Variants in CTNNA2 observed in about 807,000 individuals in gnomAD.
CTNNA2 encodes the protein catenin alpha-2.
In CTNNA2, 42 loss-of-function variants were observed where a neutral mutation model predicts 101.0. That is an observed-to-expected ratio of 0.42 (90% CI 0.32 to 0.54). CTNNA2 has a LOEUF of 0.54. Ranked by LOEUF, CTNNA2 falls within the 20% of genes least tolerant of loss-of-function variation. CTNNA2 has a pLI of 0.14. For missense variants in CTNNA2, 871 were observed against 1,223.1 expected (o/e 0.71, Z 4.29); for synonymous variants, 450 against 456.4 (o/e 0.99, Z 0.18).
intron 2 of CTNNA2, among the ~76,000 whole-genome samples, chr2:79,258,480 A>G (rs1316561124): frequency 1.3e-5 from 2 of 152,180 alleles, no homozygotes; most frequent in Admixed American, 6.5e-5. Context: ...TCTGTAAAGT[A>G]CTGTTATTAC....
At chr2:79,287,555 G>C (rs1196623839) in intron 2 of CTNNA2, among the ~76,000 whole-genome samples, 1 of 48,996 alleles carries the variant, frequency 2.0e-5, no homozygotes. Flanking sequence ...GTGCCTCCCA[G>C]TTAGGCTGCT....
At chr2:80,152,781 A>G (rs1197678356) in intron 7 of CTNNA2, among the ~76,000 whole-genome samples, 1 of 152,116 alleles carries the variant, frequency 6.6e-6, no homozygotes, top group East Asian at 1.9e-4. Context: ...GGACAGGGAC[A>G]TGGGACATTT....
intron 4 of CTNNA2, among the ~76,000 whole-genome samples, chr2:79,409,126 G>A (rs1344850307): frequency 1.3e-5 from 2 of 152,078 alleles, no homozygotes; most frequent in South Asian, 4.1e-4. Context: ...CATGTCCTTT[G>A]CCCACTTTTT....
At chr2:79,396,963 G>A (rs984210988) in intron 4 of CTNNA2, among the ~76,000 whole-genome samples, 1 of 152,122 alleles carries the variant, frequency 6.6e-6, no homozygotes, top group African/African-American at 2.4e-5. Context: ...CACTGGGAAA[G>A]CTTGTCAAAA....
intron 7 of CTNNA2, among the ~76,000 whole-genome samples, chr2:79,941,218 T>C (rs1041092591): frequency 2.6e-4 from 39 of 152,224 alleles, no homozygotes; most frequent in African/African-American, 8.4e-4. Context: ...CAGCAATAGC[T>C]TTTATTTCCC....
At chr2:80,285,895 T>C (rs996912935) in intron 7 of CTNNA2, among the ~76,000 whole-genome samples, 1 of 152,044 alleles carries the variant, frequency 6.6e-6, no homozygotes, top group Admixed American at 6.6e-5. Flanking sequence ...GGTAAAAACA[T>C]TTCACTTGCC....
At chr2:80,067,062 A>C (rs1173857515) in intron 7 of CTNNA2, among the ~76,000 whole-genome samples, 1 of 152,204 alleles carries the variant, frequency 6.6e-6, no homozygotes, top group Non-Finnish European at 1.5e-5. Flanking sequence ...AGAGAATAGA[A>C]TGATGATGAC....
chr2:79,408,594 G>A (rs533025202), intron 4 of CTNNA2, among the ~76,000 whole-genome samples: 11 of 151,954 alleles, frequency 7.2e-5, no homozygotes, highest in African/African-American at 2.4e-4. Context: ...TGAGAATGAT[G>A]ATTTCCAATT....
In CTNNA2 at chr2:80,106,121, C is replaced by G. The variant is rs564447130; in HGVS notation, c.1056+196324C>G. Among the ~76,000 whole-genome samples, 28 of 152,306 alleles carry G rather than the reference C, an allele frequency of 1.8e-4. No homozygotes were observed. The South Asian group carries it at 5.8e-3, about 32-fold the overall frequency. ...ACAGGGCTTTTATTGGGCTGGTTAACTGAGTCGTTGTATGTAGAGGTGGCA... is the reference window on the plus strand; with the variant it reads ...ACAGGGCTTTTATTGGGCTGGTTAAGTGAGTCGTTGTATGTAGAGGTGGCA... On this transcript the variant is annotated intron_variant, in intron 7 of 18. Transcript: ENST00000402739.
intron 7 of CTNNA2, among the ~76,000 whole-genome samples, chr2:80,063,450 AAAG>A (rs1183727289): frequency 3.3e-5 from 5 of 152,254 alleles, no homozygotes; most frequent in Non-Finnish European, 5.9e-5. Flanking sequence ...TAAAAGAAAA[AAAG>A]AAGAAGAAGA....
intron 4 of CTNNA2, among the ~76,000 whole-genome samples, chr2:79,488,330 A>AC (rs1337948238): frequency 1.5e-5 from 1 of 67,772 alleles, no homozygotes; most frequent in Non-Finnish European, 2.9e-5. Flanking sequence ...AAAAAAAAAA[A>AC]AAAAAAAAAA....
chr2:79,944,163 T>A (rs774909324), intron 7 of CTNNA2, among the ~76,000 whole-genome samples: 30 of 151,810 alleles, frequency 2.0e-4, no homozygotes, highest in Non-Finnish European at 3.1e-4. Flanking sequence ...GTGCCATGCA[T>A]TGGGCTAGGT....
At chr2:79,518,685 T>C (rs1392903694) in intron 1 of CTNNA2, among the ~76,000 whole-genome samples, 3 of 152,174 alleles carry the variant, frequency 2.0e-5, no homozygotes, top group African/African-American at 2.4e-5. Flanking sequence ...CTTAAATTCA[T>C]AGGGCCTGAA....
chr2:80,597,561 T>A (rs554459957), intron 15 of CTNNA2, among the ~76,000 whole-genome samples: 41 of 152,232 alleles, frequency 2.7e-4, no homozygotes, highest in Non-Finnish European at 8.8e-5. Flanking sequence ...GATAAATTTT[T>A]TATAAATTAC....
chr2:80,595,361 A>G (rs1696864506), intron 15 of CTNNA2, among the ~76,000 whole-genome samples: 1 of 152,020 alleles, frequency 6.6e-6, no homozygotes, highest in African/African-American at 2.4e-5. Context: ...TTTTACCAGG[A>G]CTTTTTTTAA....
intron 7 of CTNNA2, among the ~76,000 whole-genome samples, chr2:80,301,688 T>G (rs2149205115): frequency 6.6e-6 from 1 of 152,284 alleles, no homozygotes; most frequent in South Asian, 2.1e-4. Flanking sequence ...TGGAGTAAAT[T>G]AACATAAATC....
At chr2:79,631,871 A>G (rs1679720785) in intron 1 of CTNNA2, among the ~76,000 whole-genome samples, 1 of 152,224 alleles carries the variant, frequency 6.6e-6, no homozygotes, top group African/African-American at 2.4e-5. Flanking sequence ...TAAGCTCTGG[A>G]TAAAAATAAC....
intron 7 of CTNNA2, among the ~76,000 whole-genome samples, chr2:80,307,368 G>A (rs1188195280): frequency 1.3e-5 from 2 of 152,040 alleles, no homozygotes; most frequent in African/African-American, 4.8e-5. Flanking sequence ...TTTCAGCAAA[G>A]TTGAATCGAG....
At chr2:80,552,850 G>GT (rs1479531178) in intron 11 of CTNNA2, among the ~76,000 whole-genome samples, 1 of 152,146 alleles carries the variant, frequency 6.6e-6, no homozygotes, top group Non-Finnish European at 1.5e-5. Context: ...CTTTAAGTAT[G>GT]TGGTCTGTTA....
Sources: allele counts gnomAD v4.1 joint callset (sites outside exome capture counted in the v4.1 genomes callset), GRCh38; gene constraint gnomAD v4.1.1; transcripts MANE v1.5; gene names NCBI Gene and HGNC (gene_info 2026-07-23, HGNC 2026-07-21).